The following VPS13B variants were observed in gnomAD, a reference collection of about 807,000 sequenced individuals.
VPS13B encodes vacuolar protein sorting 13 homolog B.
Under a neutral mutation model 426.4 loss-of-function variants are expected in VPS13B, and 285 were observed. That is an observed-to-expected ratio of 0.67 (90% CI 0.61 to 0.74). The LOEUF is 0.74. Among genes scored for constraint, VPS13B ranks in the 30% least tolerant of loss-of-function variants. The pLI is 0.00. For missense variants in VPS13B, 4,537 were observed against 4,782.6 expected, an observed-to-expected ratio of 0.95 and a Z score of 1.51; for synonymous variants, 1,676 against 1,676.4, an observed-to-expected ratio of 1.00 and a Z score of 0.01.
chr8:99,438,157 G>T (rs1409033559), intron 22 of VPS13B, among the ~76,000 whole-genome samples: 1 of 146,770 alleles, frequency 6.8e-6, no homozygotes, highest in East Asian at 2.0e-4. Context: ...TAATAATGCT[G>T]TTATTCCTTT....
At chr8:99,407,141 A>T (rs1414126549) in intron 21 of VPS13B, among the ~76,000 whole-genome samples, 1 of 152,178 alleles carries the variant, frequency 6.6e-6, no homozygotes, top group Non-Finnish European at 1.5e-5. Flanking sequence ...AAGGAGGAAG[A>T]CCCTTTTCAG....
At chr8:99,535,423 T>C (rs1823151788) in intron 30 of VPS13B, among the ~76,000 whole-genome samples, 1 of 152,212 alleles carries the variant, frequency 6.6e-6, no homozygotes, top group African/African-American at 2.4e-5. Flanking sequence ...CCATCCTCTG[T>C]GGTGTAGACA....
At chr8:99,438,807 T>G (rs1817534022) in intron 22 of VPS13B, among the ~76,000 whole-genome samples, 1 of 152,166 alleles carries the variant, frequency 6.6e-6, no homozygotes, top group Non-Finnish European at 1.5e-5. Context: ...GAATACTAAT[T>G]TTAATGGCCC....
chr8:99,813,963 A>T (rs1813872106), intron 44 of VPS13B, among the ~76,000 whole-genome samples: 1 of 152,082 alleles, frequency 6.6e-6, no homozygotes, highest in Non-Finnish European at 1.5e-5. Flanking sequence ...GCAAGACCCT[A>T]TCTCTACAAA....
chr8:99,601,846 T>C (rs1408250130), intron 33 of VPS13B, among the ~76,000 whole-genome samples: 2 of 152,202 alleles, frequency 1.3e-5, no homozygotes, highest in Non-Finnish European at 2.9e-5. Context: ...TTGATGGGGT[T>C]GTTTCTTTCT....
intron 21 of VPS13B, among the ~76,000 whole-genome samples, chr8:99,405,210 C>T (rs1338614002): frequency 9.2e-5 from 14 of 152,014 alleles, no homozygotes; most frequent in Non-Finnish European, 1.5e-4. Flanking sequence ...TGCCTCATAT[C>T]CAACTGCCTA....
At chr8:99,571,102 A>C (rs570248963) in intron 31 of VPS13B, among the ~76,000 whole-genome samples, 1 of 152,250 alleles carries the variant, frequency 6.6e-6, no homozygotes, top group African/African-American at 2.4e-5. Flanking sequence ...TCATTTAAAA[A>C]TCCTTGCCTT....
In VPS13B at chr8:99,861,868, G is replaced by A. The variant is rs1816854572; in HGVS notation, c.11137G>A (p.Glu3713Lys). 1.3e-6 allele frequency: 2 copies of A among 1,597,432 alleles called. No homozygotes were observed. Among genetic ancestry groups the A allele is most frequent in the East Asian group, 2.3e-5 (1 of 44,246 alleles). Residue 3713 changes from glutamate to lysine, a missense_variant, in exon 58 of 62, where the codon GAG becomes AAG. Physicochemically the swap from Glu to Lys is moderately conservative, Grantham distance 56. Around this residue, in one of 2 missense-constraint regions of VPS13B, gnomAD observed 4,311 missense variants for 4,474.3 expected, o/e 0.96. Coordinates refer to ENST00000357162, the MANE Select transcript of VPS13B (RefSeq NM_152564.5). ...TGAGGAGCACTACAACCGGCAGGAG[G>A]AGTGGCGGCGGCAGCTCCCCGAGAG... ...LDEEHYNRQE[E>K]WRRQLPESLG...
intron 3 of VPS13B, chr8:99,091,983 T>C (rs1846174225): frequency 6.6e-6 from 1 of 152,190 alleles, no homozygotes; most frequent in Non-Finnish European, 1.5e-5. Flanking sequence ...TCTTGCTCTG[T>C]AGTTTTAGAC....
In VPS13B at chr8:99,859,366, A is replaced by G; in HGVS notation, c.10930A>G (p.Asn3644Asp). The change falls in exon 57 of 62, where the codon AAC becomes GAC. Residue 3644 changes from asparagine (N) to aspartate (D), a missense_variant. Asn to Asp is a conservative substitution (Grantham distance 23, BLOSUM62 1). Transcript: ENST00000357162. ...SPASLVRSIG[N>D]GVADFFRLPY... ...TGCAAGCCTGGTGAGAAGCATCGGGAACGGGGTCGCCGACTTCTTCAGGCT... is the reference window on the plus strand; with the variant it reads ...TGCAAGCCTGGTGAGAAGCATCGGGGACGGGGTCGCCGACTTCTTCAGGCT... 1 of 1,614,086 alleles carries G rather than the reference A, an allele frequency of 6.2e-7. No homozygotes were observed. The highest frequency in any genetic ancestry group is 8.5e-7 in the Non-Finnish European group (1 of 1,180,014).
chr8:99,375,561 G>A (rs1008513683), intron 19 of VPS13B, among the ~76,000 whole-genome samples: 16 of 152,152 alleles, frequency 1.1e-4, no homozygotes, highest in Non-Finnish European at 8.8e-5. Context: ...AATTCCCCTA[G>A]ATAAAGTTGC....
At chr8:99,382,027 G>A (rs752989661) in intron 19 of VPS13B, among the ~76,000 whole-genome samples, 6 of 152,060 alleles carry the variant, frequency 3.9e-5, no homozygotes, top group Non-Finnish European at 7.4e-5. Flanking sequence ...AAGAGGTCCA[G>A]TTTCAATTAT....
chr8:99,825,745 T>C (rs1814647572), intron 51 of VPS13B, among the ~76,000 whole-genome samples: 2 of 152,226 alleles, frequency 1.3e-5, no homozygotes, highest in Admixed American at 1.3e-4. Context: ...TTAATTTTTG[T>C]ATAAGGTGTA....
chr8:99,155,423 G>A (rs780375312), intron 14 of VPS13B, among the ~76,000 whole-genome samples: 4 of 152,150 alleles, frequency 2.6e-5, no homozygotes, highest in Non-Finnish European at 5.9e-5. Context: ...TGAGGATTTA[G>A]TATTGCCTTG....
intron 33 of VPS13B, among the ~76,000 whole-genome samples, chr8:99,592,020 C>G (rs1292570436): frequency 2.0e-5 from 3 of 151,986 alleles, no homozygotes; most frequent in Non-Finnish European, 4.4e-5. Context: ...TCACGTAGTC[C>G]CATATTTCTT....
At chr8:99,658,210 T>C (rs191697846) in intron 34 of VPS13B, among the ~76,000 whole-genome samples, 4 of 152,182 alleles carry the variant, frequency 2.6e-5, no homozygotes, top group Admixed American at 2.6e-4. Flanking sequence ...TTTTACCATA[T>C]GTGTTTAAAA....
At chr8:99,572,030 G>A (rs948839144) in intron 31 of VPS13B, among the ~76,000 whole-genome samples, 3 of 152,016 alleles carry the variant, frequency 2.0e-5, no homozygotes, top group African/African-American at 7.3e-5. Flanking sequence ...ATTTTAACTA[G>A]GCTTTTTCAT....
chr8:99,105,325 A>G (rs1340294447), intron 5 of VPS13B, among the ~76,000 whole-genome samples: 1 of 152,174 alleles, frequency 6.6e-6, no homozygotes, highest in Admixed American at 6.5e-5. Context: ...GAACTGGACA[A>G]TGTAGGATTG....
chr8:99,684,290 G>A (rs1307001395), intron 35 of VPS13B, among the ~76,000 whole-genome samples: 1 of 152,036 alleles, frequency 6.6e-6, no homozygotes, highest in South Asian at 2.1e-4. Context: ...TCTACTTTTA[G>A]TATCGGTAAT....
Sources: allele counts gnomAD v4.1 joint callset (sites outside exome capture counted in the v4.1 genomes callset), GRCh38; gene constraint gnomAD v4.1.1; regional missense constraint gnomAD v4.1.1; transcripts MANE v1.5; gene names NCBI Gene and HGNC (gene_info 2026-07-23, HGNC 2026-07-21).